RGS7: variants seen among roughly 807,000 people sequenced by gnomAD.
RGS7 encodes the protein regulator of G protein signaling 7.
A neutral mutation model predicts 81.1 loss-of-function variants in RGS7; 27 were observed. The observed-to-expected ratio is 0.33, with a 90% CI of 0.25 to 0.46. The LOEUF (loss-of-function observed/expected upper bound fraction) is 0.46, where lower values mean the gene tolerates loss of function less well. Among genes scored for constraint, RGS7 ranks in the 20% least tolerant of loss-of-function variants. RGS7 has a pLI of 1.00. For missense variants in RGS7, 396 were observed against 607.4 expected, an observed-to-expected ratio of 0.65 and a Z score of 3.66; for synonymous variants, 208 against 207.7, an observed-to-expected ratio of 1.00 and a Z score of -0.01.
At chr1:241,205,244 A>ATT (rs113696057) in intron 2 of RGS7, among the ~76,000 whole-genome samples, 3 of 136,526 alleles carry the variant, frequency 2.2e-5, no homozygotes, top group African/African-American at 2.6e-5. Flanking sequence ...CGCCCAGCTA[A>ATT]TTTTTTTTTT....
At chr1:241,147,534 TATAG>T (rs1558128320) in intron 2 of RGS7, among the ~76,000 whole-genome samples, 5 of 151,958 alleles carry the variant, frequency 3.3e-5, no homozygotes, top group Admixed American at 2.6e-4. Flanking sequence ...TAAAATATAG[TATAG>T]TTTTTCCTTC....
intron 2 of RGS7, among the ~76,000 whole-genome samples, chr1:241,273,175 A>AT (rs2078005904): frequency 9.5e-6 from 1 of 105,028 alleles, no homozygotes; most frequent in East Asian, 4.1e-4. Flanking sequence ...ATAATAATGA[A>AT]CCCCCCCCCC....
At chr1:240,811,246 T>C (rs1366061661) in intron 14 of RGS7, among the ~76,000 whole-genome samples, 1 of 152,228 alleles carries the variant, frequency 6.6e-6, no homozygotes, top group African/African-American at 2.4e-5. Flanking sequence ...ATCACTCCCT[T>C]CAATGATGTT....
At chr1:241,263,505 T>C (rs2148297375) in intron 2 of RGS7, among the ~76,000 whole-genome samples, 1 of 152,252 alleles carries the variant, frequency 6.6e-6, no homozygotes, top group Non-Finnish European at 1.5e-5. Flanking sequence ...TGGCTTATTT[T>C]GGCAACAGGT....
chr1:240,848,895 A>C (rs1659584563), intron 9 of RGS7, among the ~76,000 whole-genome samples: 1 of 152,210 alleles, frequency 6.6e-6, no homozygotes, highest in South Asian at 2.1e-4. Context: ...AAGAGCAACA[A>C]GTAAAAGGTG....
chr1:240,878,054 A>G (rs1029582858), intron 6 of RGS7, among the ~76,000 whole-genome samples: 3 of 152,050 alleles, frequency 2.0e-5, no homozygotes, highest in Admixed American at 6.6e-5. Context: ...CTCTGGATTT[A>G]TCTCCCATTC....
chr1:240,853,615 G>A (rs1457095418), intron 9 of RGS7, among the ~76,000 whole-genome samples: 1 of 152,024 alleles, frequency 6.6e-6, no homozygotes, highest in Non-Finnish European at 1.5e-5. Context: ...AGATTTCAAA[G>A]CATGTTCTGG....
rs545968106 is a variant in RGS7, at chr1:241,156,297, C to T, written c.79-57535G>A. 2.0e-3 allele frequency among the ~76,000 whole-genome samples: 298 copies of T among 151,862 alleles called. 1 individual carries two copies. Among genetic ancestry groups the T allele is most frequent in the Non-Finnish European group, 3.7e-3 (251 of 67,952 alleles). ...GCTTGAGCCCAGGAGTTCAGGAGTT[C>T]AAGACCACCTGGGCAACAAAGCAAG... On this transcript the variant is annotated intron_variant, in intron 2 of 18. Transcript: ENST00000440928.
chr1:241,128,048 G>A (rs967464355), intron 2 of RGS7, among the ~76,000 whole-genome samples: 2 of 152,120 alleles, frequency 1.3e-5, no homozygotes, highest in Non-Finnish European at 2.9e-5. Flanking sequence ...GGAGGCTGAG[G>A]TGGGTGGATC....
chr1:240,995,670 C>T (rs75945228), intron 3 of RGS7, among the ~76,000 whole-genome samples: 4,319 of 149,312 alleles, frequency 0.029, 181 homozygotes, highest in African/African-American at 0.088. Flanking sequence ...TAGTCATTTC[C>T]CCTGCTTCAT....
In RGS7 at chr1:241,197,831, C is replaced by CA. The variant is rs55756508; in HGVS notation, c.79-99070dup. On this transcript the variant is annotated intron_variant, in intron 2 of 18. Transcript: ENST00000440928. ...AACAATCAGTAAAGAGATAAAAGAC[C>CA]AAAAAAAAAAAAAAAGATTGCAAAC... Among the ~76,000 whole-genome samples the CA allele has an allele frequency of 3.0e-3, 344 of 113,064 alleles. 4 individuals are homozygous for CA. The highest frequency in any genetic ancestry group is 0.023 in the East Asian group (81 of 3,528). The allele number at this position is 113,064 out of a possible 152,430, so 74.2% of individuals were successfully genotyped here.
chr1:241,306,466 G>A (rs369926419), intron 2 of RGS7, among the ~76,000 whole-genome samples: 16 of 132,990 alleles, frequency 1.2e-4, no homozygotes, highest in African/African-American at 4.1e-4. Context: ...ATATGCACAC[G>A]TCCACTCACA....
Position 240,789,324 on chromosome 1 carries a change from T to C in RGS7, c.*6+11317A>G, listed in dbSNP as rs540695078. Reference sequence around the variant, plus strand: ...GTGATGATTGCGTTAACTGTACAAATTGTTGTAGAGCATGTGTGTTTGAAC... The same window carrying C: ...GTGATGATTGCGTTAACTGTACAAACTGTTGTAGAGCATGTGTGTTTGAAC... On this transcript the variant is annotated intron_variant, in intron 18 of 18. Coordinates refer to ENST00000440928, the MANE Select transcript of RGS7 (RefSeq NM_001364886.1). Among the ~76,000 whole-genome samples the C allele has an allele frequency of 5.3e-5, 8 of 152,248 alleles. No individual in the cohort carries two copies. The East Asian group carries it at 9.7e-4, about 18-fold the overall frequency.
chr1:240,798,623 C>A (rs1687470593), intron 18 of RGS7, among the ~76,000 whole-genome samples: 1 of 152,140 alleles, frequency 6.6e-6, no homozygotes, highest in Non-Finnish European at 1.5e-5. Flanking sequence ...AAATTATGCA[C>A]CTCCTTTGAC....
intron 3 of RGS7, among the ~76,000 whole-genome samples, chr1:241,047,372 GTCTTTCCCGGCTTCCTGGTATCTT>G (rs2060990896): frequency 6.6e-6 from 1 of 151,988 alleles, no homozygotes; most frequent in South Asian, 2.1e-4. Flanking sequence ...CTCTTTCTTT[GTCTTTCCCGGCTTCCTGGTATCTT>G]TCTTTCCCTC....
At chr1:241,005,564 C>A (rs1013941121) in intron 3 of RGS7, among the ~76,000 whole-genome samples, 6 of 152,144 alleles carry the variant, frequency 3.9e-5, no homozygotes, top group Admixed American at 2.6e-4. Flanking sequence ...GAAATGGAGT[C>A]TCACACTGTC....
At chr1:241,000,056 A>G (rs894161164) in intron 3 of RGS7, among the ~76,000 whole-genome samples, 7 of 152,138 alleles carry the variant, frequency 4.6e-5, no homozygotes. Flanking sequence ...CACTGCAGTG[A>G]GGGTGGCCTG....
chr1:241,230,325 T>C (rs34923416), intron 2 of RGS7, among the ~76,000 whole-genome samples: 23,308 of 152,086 alleles, frequency 0.15, 2,266 homozygotes, highest in Non-Finnish European at 0.2. Context: ...GTGATTCTTG[T>C]GCCTCAGCCT....
At chr1:241,180,656 C>G (rs1249153496) in intron 2 of RGS7, among the ~76,000 whole-genome samples, 1 of 152,158 alleles carries the variant, frequency 6.6e-6, no homozygotes, top group Non-Finnish European at 1.5e-5. Context: ...AATTACTCTT[C>G]TATTATAATA....
Sources: gnomAD v4.1 joint callset for allele counts (sites outside exome capture counted in the v4.1 genomes callset) on GRCh38, gnomAD v4.1.1 for gene constraint, MANE v1.5 for transcripts, NCBI Gene and HGNC (gene_info 2026-07-23, HGNC 2026-07-21) for gene names.